Variants in CSMD3 observed in about 807,000 individuals in gnomAD.
CSMD3 encodes CUB and sushi domain-containing protein 3.
Under a neutral mutation model 435.2 loss-of-function variants are expected in CSMD3, and 177 were observed. That is an observed-to-expected ratio of 0.41 (90% confidence interval 0.36 to 0.46). The LOEUF (loss-of-function observed/expected upper bound fraction) is 0.46. CSMD3 is among the 20% of genes least tolerant of loss of function. The probability of loss-of-function intolerance (pLI) is 0.34; values close to 1 mark genes in which losing one functional copy is unlikely to be tolerated. For missense variants in CSMD3, 4,265 were observed against 4,504.6 expected, an observed-to-expected ratio of 0.95 and a Z score of 1.52; for synonymous variants, 1,656 against 1,520.5, an observed-to-expected ratio of 1.09 and a Z score of -2.07.
chr8:112,758,406 A>T (rs1473144562), intron 13 of CSMD3, among the ~76,000 whole-genome samples: 1 of 152,138 alleles, frequency 6.6e-6, no homozygotes, highest in East Asian at 1.9e-4. Context: ...TGCAACTCCC[A>T]AAATTTAAAA....
rs114608909 is a variant in CSMD3, at chr8:112,971,471, G to A, written c.1342+4366C>T. 6.0e-3 allele frequency among the ~76,000 whole-genome samples: 911 copies of A among 152,206 alleles called. 13 individuals carry two copies. Among genetic ancestry groups the A allele is most frequent in the African/African-American group, 0.02 (818 of 41,530 alleles). On this transcript the variant is annotated intron_variant, in intron 7 of 70. Transcript: ENST00000297405. ...ATTCTTTTTTATCTTTCCATTGGGA[G>A]AAAATACCTAAGAGTTTATGGCACT...
chr8:112,710,729 T>A (rs1392413535), intron 13 of CSMD3, among the ~76,000 whole-genome samples: 1 of 151,494 alleles, frequency 6.6e-6, no homozygotes, highest in Non-Finnish European at 1.5e-5. Flanking sequence ...ATACACATTT[T>A]AAAAAATTAT....
At chr8:112,262,826 G>A (rs1458645397) in intron 61 of CSMD3, among the ~76,000 whole-genome samples, 1 of 152,098 alleles carries the variant, frequency 6.6e-6, no homozygotes, top group African/African-American at 2.4e-5. Flanking sequence ...AGTCCTATGA[G>A]CATGTAGGGG....
intron 10 of CSMD3, among the ~76,000 whole-genome samples, chr8:112,880,807 C>T (rs1214632733): frequency 1.3e-5 from 2 of 151,848 alleles, no homozygotes; most frequent in Admixed American, 6.6e-5. Context: ...TTAAGGAGAT[C>T]GATCCAGCTG....
intron 4 of CSMD3, among the ~76,000 whole-genome samples, chr8:113,168,545 A>AAAAAAAAAAAAAAAAAAAAAT (rs2092205698): frequency 6.7e-6 from 1 of 149,030 alleles, no homozygotes; most frequent in African/African-American, 2.5e-5. Flanking sequence ...AAAAAAAAAA[A>AAAAAAAAAAAAAAAAAAAAAT]AACTACAGAT....
chr8:112,514,822 G>A (rs1272309022), intron 28 of CSMD3, among the ~76,000 whole-genome samples: 1 of 151,990 alleles, frequency 6.6e-6, no homozygotes, highest in Admixed American at 6.6e-5. Flanking sequence ...CTTTGGCATG[G>A]TATTTCCAAT....
intron 16 of CSMD3, among the ~76,000 whole-genome samples, chr8:112,681,627 A>G (rs1486830812): frequency 6.6e-6 from 1 of 152,082 alleles, no homozygotes; most frequent in Non-Finnish European, 1.5e-5. Context: ...GCACTTTGGG[A>G]GGCCGAGGCA....
At chr8:112,947,655 TTAA>T (rs2083659839) in intron 9 of CSMD3, 132 bp downstream of exon 9, 3 of 530,516 alleles carry the variant, frequency 5.7e-6, no homozygotes, top group Non-Finnish European at 1.0e-5. Flanking sequence ...TTAGATATTA[TTAA>T]TAACAATACA....
intron 13 of CSMD3, among the ~76,000 whole-genome samples, chr8:112,700,691 C>T (rs112789205): frequency 0.019 from 2,910 of 152,180 alleles, 52 homozygotes; most frequent in Middle Eastern, 0.048. Flanking sequence ...ACGGACAGAA[C>T]AACCATGGTA....
chr8:112,348,206 C>A (rs1351888291), intron 40 of CSMD3, among the ~76,000 whole-genome samples: 1 of 152,208 alleles, frequency 6.6e-6, no homozygotes, highest in Non-Finnish European at 1.5e-5. Context: ...CACTCCTATG[C>A]CTTGAATATC....
At chr8:112,571,712 T>C (rs999405943) in intron 24 of CSMD3, among the ~76,000 whole-genome samples, 3 of 151,046 alleles carry the variant, frequency 2.0e-5, no homozygotes, top group Non-Finnish European at 3.0e-5. Flanking sequence ...CTACTAAAAA[T>C]ACAAAAATTA....
intron 32 of CSMD3, among the ~76,000 whole-genome samples, chr8:112,413,753 G>C (rs1343909404): frequency 6.6e-6 from 1 of 152,164 alleles, no homozygotes; most frequent in African/African-American, 2.4e-5. Flanking sequence ...CTGCAATATG[G>C]TTGAAACGTT....
At chr8:113,028,588 C>A (rs2086964473) in intron 5 of CSMD3, among the ~76,000 whole-genome samples, 1 of 151,462 alleles carries the variant, frequency 6.6e-6, no homozygotes, top group African/African-American at 2.4e-5. Flanking sequence ...CCAGTGAACA[C>A]ACAAATTATA....
intron 3 of CSMD3, among the ~76,000 whole-genome samples, chr8:113,202,468 G>C (rs987254705): frequency 1.2e-4 from 18 of 151,892 alleles, no homozygotes; most frequent in Admixed American, 4.6e-4. Flanking sequence ...GGCCTCCAGG[G>C]GGCACTCTGA....
chr8:113,160,081 AGAAATAT>A (rs2092009757), intron 4 of CSMD3, among the ~76,000 whole-genome samples: 2 of 152,014 alleles, frequency 1.3e-5, no homozygotes, highest in Non-Finnish European at 2.9e-5. Flanking sequence ...ACAATAAGTG[AGAAATAT>A]ATCTTACATT....
intron 10 of CSMD3, among the ~76,000 whole-genome samples, chr8:112,874,356 G>T (rs2081220694): frequency 6.6e-6 from 1 of 152,064 alleles, no homozygotes; most frequent in Non-Finnish European, 1.5e-5. Flanking sequence ...AAATAAGTGT[G>T]ATGTGCTGAG....
intron 59 of CSMD3, among the ~76,000 whole-genome samples, chr8:112,266,995 TA>T (rs1393393043): frequency 1.3e-5 from 2 of 152,294 alleles, no homozygotes; most frequent in Non-Finnish European, 2.9e-5. Context: ...AAATCTGGGT[TA>T]TTTTTTTTCT....
chr8:112,279,214 G>A (rs928103543), intron 59 of CSMD3, among the ~76,000 whole-genome samples: 3 of 152,156 alleles, frequency 2.0e-5, no homozygotes, highest in African/African-American at 7.2e-5. Context: ...TAAATGAACA[G>A]ATTCTGATAT....
At chr8:112,531,364 A>C (rs1339303613) in intron 27 of CSMD3, among the ~76,000 whole-genome samples, 2 of 151,880 alleles carry the variant, frequency 1.3e-5, no homozygotes, top group African/African-American at 4.8e-5. Context: ...AATAAACATC[A>C]GCAGCAGTCA....
Sources: allele counts gnomAD v4.1 joint callset (sites outside exome capture counted in the v4.1 genomes callset), GRCh38; gene constraint gnomAD v4.1.1; transcripts MANE v1.5; gene names NCBI Gene and HGNC (gene_info 2026-07-23, HGNC 2026-07-21).